POU6F2: variants seen among roughly 807,000 people sequenced by gnomAD.
POU6F2 encodes the protein POU domain, class 6, transcription factor 2.
A neutral mutation model predicts 71.3 loss-of-function variants in POU6F2; 31 were observed. The ratio of observed to expected loss-of-function variants is 0.43; its 90% CI spans 0.33 to 0.59. The LOEUF (loss-of-function observed/expected upper bound fraction) is 0.59. POU6F2 is among the 20% of genes least tolerant of loss of function. The probability of loss-of-function intolerance (pLI) is 0.04; values close to 1 mark genes in which losing one functional copy is unlikely to be tolerated. For synonymous variants in POU6F2, 347 were observed against 355.7 expected (o/e 0.98, Z 0.27); for missense variants, 783 against 856.8 (o/e 0.91, Z 1.07).
At chr7:39,153,378 G>A (rs571148957) in intron 2 of POU6F2, among the ~76,000 whole-genome samples, 16 of 152,186 alleles carry the variant, frequency 1.1e-4, no homozygotes, top group South Asian at 4.2e-4. Flanking sequence ...ACCGACCCAG[G>A]ATCTCAGACA....
chr7:39,232,335 G>C (rs1292827487), intron 4 of POU6F2, among the ~76,000 whole-genome samples: 1 of 151,944 alleles, frequency 6.6e-6, no homozygotes, highest in Non-Finnish European at 1.5e-5. Flanking sequence ...AAAATGGAGA[G>C]AAGATAACCA....
chr7:39,151,287 C>T (rs895933790), intron 2 of POU6F2, among the ~76,000 whole-genome samples: 1 of 152,160 alleles, frequency 6.6e-6, no homozygotes, highest in Non-Finnish European at 1.5e-5. Context: ...GCAGCCTGAG[C>T]CATGGCACAG....
intron 5 of POU6F2, among the ~76,000 whole-genome samples, chr7:39,383,177 TACA>T (rs1162853558): frequency 6.6e-6 from 1 of 152,250 alleles, no homozygotes; most frequent in Non-Finnish European, 1.5e-5. Flanking sequence ...TACAATTTTC[TACA>T]ACAAATTTGT....
intron 1 of POU6F2, among the ~76,000 whole-genome samples, chr7:39,077,947 C>T (rs963472662): frequency 2.0e-5 from 3 of 152,170 alleles, no homozygotes; most frequent in Admixed American, 6.5e-5. Context: ...GGTCATCACC[C>T]GGTGCAGTGG....
chr7:39,215,951 T>A (rs904335817), intron 4 of POU6F2, among the ~76,000 whole-genome samples: 1 of 152,196 alleles, frequency 6.6e-6, no homozygotes, highest in African/African-American at 2.4e-5. Context: ...CCTTCTAGGA[T>A]CCAGGCAGAA....
At chr7:39,333,981 A>G (rs887691190) in intron 4 of POU6F2, among the ~76,000 whole-genome samples, 6 of 152,184 alleles carry the variant, frequency 3.9e-5, no homozygotes, top group Admixed American at 2.6e-4. Flanking sequence ...CTGGTCCACA[A>G]TTTGAGATAG....
rs1376409063 is a variant in POU6F2 at position 39,265,261 on chromosome 7, C to T, written c.598+57641C>T. On this transcript the variant is annotated intron_variant, in intron 4 of 9. Coordinates refer to ENST00000518318, the MANE Select transcript of POU6F2 (RefSeq NM_001370959.1). ...GTCTGGGGTGAAGGTGTTTAAACTG[C>T]TCGGCCATACCCCAAGCACAGGACT... Among the ~76,000 whole-genome samples the T allele has an allele frequency of 2.6e-5, 4 of 152,242 alleles. No individual in the cohort carries two copies. In the East Asian group the frequency reaches 5.8e-4, roughly 22 times the overall value.
At chr7:39,306,015 A>AT (rs1785041346) in intron 4 of POU6F2, among the ~76,000 whole-genome samples, 1 of 151,802 alleles carries the variant, frequency 6.6e-6, no homozygotes, top group South Asian at 2.1e-4. Context: ...TTAAAAAAAA[A>AT]ATCTATAGTT....
At chr7:39,014,721 T>C (rs1789425216) in intron 1 of POU6F2, among the ~76,000 whole-genome samples, 1 of 152,190 alleles carries the variant, frequency 6.6e-6, no homozygotes, top group Admixed American at 6.5e-5. Flanking sequence ...TTGCAAGATT[T>C]TTTTTTTCCT....
At chr7:39,412,888 C>T (rs1299606504) in intron 6 of POU6F2, among the ~76,000 whole-genome samples, 1 of 143,962 alleles carries the variant, frequency 6.9e-6, no homozygotes, top group Non-Finnish European at 1.5e-5. Context: ...GCAAGCTCCG[C>T]CTCCCAGGTG....
chr7:39,305,050 A>G (rs568922395), intron 4 of POU6F2, among the ~76,000 whole-genome samples: 1 of 152,266 alleles, frequency 6.6e-6, no homozygotes, highest in Non-Finnish European at 1.5e-5. Flanking sequence ...TTCTGCAATT[A>G]TGTATACTAT....
At chr7:39,129,454 C>A (rs1792210217) in intron 2 of POU6F2, among the ~76,000 whole-genome samples, 1 of 152,162 alleles carries the variant, frequency 6.6e-6, no homozygotes, top group Non-Finnish European at 1.5e-5. Context: ...CTCACACCCT[C>A]CCAAAGCTTT....
At chr7:39,204,702 A>G (rs1482050641) in intron 3 of POU6F2, among the ~76,000 whole-genome samples, 4 of 152,214 alleles carry the variant, frequency 2.6e-5, no homozygotes, top group Non-Finnish European at 4.4e-5. Flanking sequence ...TTTTTGAAAT[A>G]GAAGATGTGA....
Position 39,394,427 on chromosome 7 carries a change from T to A in POU6F2, c.973-12173T>A, listed in dbSNP as rs377672770. On this transcript the variant is annotated intron_variant, in intron 5 of 9. Transcript: ENST00000518318. ...TTAAAGCTAGCTCTTTAATGTTGCA[T>A]GAGGATGTGAACATTGAGGTGTTTT... is the stretch of plus-strand genomic sequence containing the variant. Among the ~76,000 whole-genome samples, 15 of 152,318 alleles carry A rather than the reference T, an allele frequency of 9.8e-5. No individual in the cohort carries two copies. In the East Asian group the frequency reaches 2.5e-3, roughly 26 times the overall value.
chr7:39,146,936 T>A (rs926934372), intron 2 of POU6F2, among the ~76,000 whole-genome samples: 9 of 152,120 alleles, frequency 5.9e-5, no homozygotes, highest in African/African-American at 1.4e-4. Context: ...TGAATATTTT[T>A]AAAAATATAT....
chr7:39,135,755 T>A (rs1215812375), intron 2 of POU6F2, among the ~76,000 whole-genome samples: 2 of 152,224 alleles, frequency 1.3e-5, no homozygotes, highest in Non-Finnish European at 2.9e-5. Flanking sequence ...GTCACCATTG[T>A]TATTTAGTAT....
At chr7:39,072,569 C>T (rs1230217996) in intron 1 of POU6F2, among the ~76,000 whole-genome samples, 4 of 152,204 alleles carry the variant, frequency 2.6e-5, no homozygotes, top group African/African-American at 2.4e-5. Flanking sequence ...CTTGACAACA[C>T]GTTAGCCATT....
intron 2 of POU6F2, among the ~76,000 whole-genome samples, chr7:39,201,650 G>A (rs1008308758): frequency 2.0e-5 from 3 of 152,210 alleles, no homozygotes; most frequent in Admixed American, 6.5e-5. Context: ...TCTCAGAGAT[G>A]TAACATGTTT....
intron 4 of POU6F2, among the ~76,000 whole-genome samples, chr7:39,248,509 C>A (rs1014724809): frequency 6.6e-6 from 1 of 152,168 alleles, no homozygotes; most frequent in African/African-American, 2.4e-5. Flanking sequence ...TCCACTACAG[C>A]GGGCGCCCAG....
Sources: allele counts gnomAD v4.1 joint callset (sites outside exome capture counted in the v4.1 genomes callset), GRCh38; gene constraint gnomAD v4.1.1; transcripts MANE v1.5; gene names NCBI Gene and HGNC (gene_info 2026-07-23, HGNC 2026-07-21).